PTPRN2: variants seen among roughly 807,000 people sequenced by gnomAD.
The protein encoded by PTPRN2 is protein tyrosine phosphatase receptor type N2, also known as receptor-type tyrosine-protein phosphatase N2.
Under a neutral mutation model 118.8 loss-of-function variants are expected in PTPRN2, and 74 were observed. The observed-to-expected ratio is 0.62, with a 90% CI of 0.52 to 0.76. The LOEUF is 0.76. Ranked by LOEUF, PTPRN2 falls within the 30% of genes least tolerant of loss-of-function variation. The pLI, the probability that PTPRN2 is intolerant of heterozygous loss-of-function variation, is 0.00. For missense variants in PTPRN2, 1,481 were observed against 1,394.4 expected, an observed-to-expected ratio of 1.06 and a Z score of -0.99; for synonymous variants, 641 against 608.0, an observed-to-expected ratio of 1.05 and a Z score of -0.80.
chr7:158,050,084 C>T (rs905913803), intron 11 of PTPRN2, among the ~76,000 whole-genome samples: 3 of 152,132 alleles, frequency 2.0e-5, no homozygotes, highest in Admixed American at 6.5e-5. Context: ...GGGTAATGGG[C>T]ACATTGTGAT....
intron 11 of PTPRN2, among the ~76,000 whole-genome samples, chr7:158,080,570 C>T (rs1257691139): frequency 8.7e-6 from 1 of 114,832 alleles, no homozygotes; most frequent in Non-Finnish European, 1.8e-5. Flanking sequence ...CAAGAGTTTT[C>T]AACAAGTTTA....
chr7:158,445,648 G>T (rs190905670), intron 2 of PTPRN2, among the ~76,000 whole-genome samples: 13 of 152,208 alleles, frequency 8.5e-5, no homozygotes. Flanking sequence ...AGGGCTGAAC[G>T]CAGACAGCCG....
intron 12 of PTPRN2, among the ~76,000 whole-genome samples, chr7:157,853,374 G>A (rs531650370): frequency 2.6e-5 from 4 of 152,202 alleles, no homozygotes; most frequent in African/African-American, 9.6e-5. Flanking sequence ...ATCCTCTCCA[G>A]CCAGGGAGGA....
intron 3 of PTPRN2, among the ~76,000 whole-genome samples, chr7:158,279,694 C>T (rs917313990): frequency 6.6e-6 from 1 of 152,056 alleles, no homozygotes; most frequent in Non-Finnish European, 1.5e-5. Context: ...TGTGCAGCCC[C>T]GGCTCCCATC....
chr7:158,463,640 C>G (rs955745699), intron 2 of PTPRN2, among the ~76,000 whole-genome samples: 2 of 151,972 alleles, frequency 1.3e-5, no homozygotes, highest in Non-Finnish European at 2.9e-5. Flanking sequence ...ACACCATCAT[C>G]ATCATCACCA....
chr7:158,177,498 G>A (rs867904958), intron 5 of PTPRN2, among the ~76,000 whole-genome samples: 4 of 152,074 alleles, frequency 2.6e-5, no homozygotes, highest in Non-Finnish European at 4.4e-5. Flanking sequence ...GAACACGTCC[G>A]TCACCCTGAA....
intron 3 of PTPRN2, among the ~76,000 whole-genome samples, chr7:158,234,040 C>T (rs1363567755): frequency 6.6e-6 from 1 of 152,066 alleles, no homozygotes; most frequent in African/African-American, 2.4e-5. Context: ...ACTAAGGAAA[C>T]ACTCCAGGAC....
intron 12 of PTPRN2, among the ~76,000 whole-genome samples, chr7:157,728,612 T>C (rs1310445136): frequency 2.0e-5 from 3 of 152,230 alleles, no homozygotes; most frequent in East Asian, 3.8e-4. Flanking sequence ...GAAAGGCTTT[T>C]GAAGAGGTGG....
chr7:158,425,502 G>A (rs1815660735), intron 2 of PTPRN2, among the ~76,000 whole-genome samples: 1 of 61,566 alleles, frequency 1.6e-5, no homozygotes, highest in African/African-American at 9.1e-5. Flanking sequence ...GCGCACCGCC[G>A]GGAAAGACGC....
intron 12 of PTPRN2, among the ~76,000 whole-genome samples, chr7:157,876,244 C>A (rs2151275163): frequency 6.6e-6 from 1 of 152,272 alleles, no homozygotes; most frequent in Non-Finnish European, 1.5e-5. Context: ...TGACCCATCC[C>A]CTGCTATTTC....
At chr7:158,340,302 G>T (rs1383954047) in intron 2 of PTPRN2, among the ~76,000 whole-genome samples, 1 of 96,658 alleles carries the variant, frequency 1.0e-5, no homozygotes, top group Admixed American at 1.1e-4. Context: ...CTCACCATAG[G>T]AGCTGACACC....
At chr7:157,772,015 GAC>G (rs1245691325) in intron 12 of PTPRN2, among the ~76,000 whole-genome samples, 2 of 147,504 alleles carry the variant, frequency 1.4e-5, no homozygotes, top group African/African-American at 2.5e-5. Context: ...TACATACACA[GAC>G]ACACGCACAC....
rs1470216976 is a variant in PTPRN2, at chr7:157,729,632, G to A, written c.1789-46695C>T. On this transcript the variant is annotated intron_variant, in intron 12 of 22. Transcript: ENST00000389418. The surrounding 1 kb of genome is among the most constrained non-coding windows in gnomAD (Gnocchi z 4.3). Reference sequence around the variant, plus strand: ...CCTGCAAAGGGCCATCCTGGGGTCCGAGGGCTTCCTGGTCCTGACCCAGTC... The same window carrying A: ...CCTGCAAAGGGCCATCCTGGGGTCCAAGGGCTTCCTGGTCCTGACCCAGTC... Among the ~76,000 whole-genome samples the A allele has an allele frequency of 1.3e-5, 2 of 152,200 alleles. No individual in the cohort carries two copies. Among genetic ancestry groups the A allele is most frequent in the East Asian group, 1.9e-4 (1 of 5,200 alleles).
intron 6 of PTPRN2, among the ~76,000 whole-genome samples, chr7:158,149,139 C>CAA (rs1820604058): frequency 6.6e-6 from 1 of 151,162 alleles, no homozygotes; most frequent in Non-Finnish European, 1.5e-5. Flanking sequence ...CATCTCACGC[C>CAA]ACGTGTCTTT....
intron 3 of PTPRN2, among the ~76,000 whole-genome samples, chr7:158,205,562 G>A (rs1827065875): frequency 6.6e-6 from 1 of 152,148 alleles, no homozygotes; most frequent in African/African-American, 2.4e-5. Context: ...CATCCTCCCT[G>A]TAGGAACACC....
At chr7:157,657,584 CACAT>C (rs1247679804) in intron 13 of PTPRN2, among the ~76,000 whole-genome samples, 1 of 97,372 alleles carries the variant, frequency 1.0e-5, no homozygotes, top group African/African-American at 3.2e-5. Flanking sequence ...CATATACACA[CACAT>C]ACACCACACA....
At chr7:158,150,297 C>T (rs746824847) in intron 6 of PTPRN2, among the ~76,000 whole-genome samples, 2 of 152,342 alleles carry the variant, frequency 1.3e-5, no homozygotes, top group Non-Finnish European at 2.9e-5. Flanking sequence ...CTGCTAAAGG[C>T]TAACGTAACC....
intron 11 of PTPRN2, among the ~76,000 whole-genome samples, chr7:157,989,420 G>A (rs111732391): frequency 0.019 from 2,957 of 151,788 alleles, 95 homozygotes; most frequent in African/African-American, 0.067. Context: ...CCACACCTTA[G>A]AAAAAAGAAA....
intron 11 of PTPRN2, among the ~76,000 whole-genome samples, chr7:158,025,203 G>A (rs141335930): frequency 1.5e-3 from 229 of 152,300 alleles, no homozygotes; most frequent in African/African-American, 5.3e-3. Flanking sequence ...TGGGAGAGCC[G>A]CGCCTCCTTG....
Sources: gnomAD v4.1 joint callset for allele counts (sites outside exome capture counted in the v4.1 genomes callset) on GRCh38, gnomAD v4.1.1 for gene constraint, Gnocchi (gnomAD v3.1) non-coding constraint, MANE v1.5 for transcripts, NCBI Gene and HGNC (gene_info 2026-07-23, HGNC 2026-07-21) for gene names.